SIRPG: variants seen among roughly 807,000 people sequenced by gnomAD.
The protein encoded by SIRPG is signal-regulatory protein gamma.
A neutral mutation model predicts 35.7 loss-of-function variants in SIRPG; 38 were observed. The observed-to-expected ratio is 1.06, with a 90% CI of 0.82 to 1.40. The LOEUF (loss-of-function observed/expected upper bound fraction) is 1.40, where lower values mean the gene tolerates loss of function less well. Among genes scored for constraint, SIRPG ranks in the 40% most tolerant of loss-of-function variants. The pLI, the probability that SIRPG is intolerant of heterozygous loss-of-function variation, is 0.00. For synonymous variants in SIRPG, 215 were observed against 190.4 expected (o/e 1.13, Z -1.06); for missense variants, 519 against 483.0 (o/e 1.07, Z -0.70).
the SIRPG span, among the ~76,000 whole-genome samples, chr20:1,674,387 T>G: frequency 1.3e-5 from 2 of 152,146 alleles, no homozygotes; most frequent in African/African-American, 4.8e-5. Flanking sequence ...TTTACTGCAC[T>G]CCAGGTGCTG....
At chr20:1,668,222 T>C in the SIRPG span, among the ~76,000 whole-genome samples, 5 of 125,080 alleles carry the variant, frequency 4.0e-5, no homozygotes, top group African/African-American at 1.7e-4. Flanking sequence ...TTTCTTTCTT[T>C]CTTTCTTTCT....
At chr20:1,663,068 C>T in the SIRPG span, among the ~76,000 whole-genome samples, 4 of 151,856 alleles carry the variant, frequency 2.6e-5, no homozygotes, top group Non-Finnish European at 5.9e-5. Context: ...AATCCCAGCA[C>T]GTTGGGAGGC....
intron 1 of SIRPG, among the ~76,000 whole-genome samples, chr20:1,654,973 G>T (rs77088763): frequency 6.6e-6 from 1 of 152,062 alleles, no homozygotes; most frequent in East Asian, 1.9e-4. Context: ...AATTAAAACC[G>T]CAGTGGGCTA....
the SIRPG span, among the ~76,000 whole-genome samples, chr20:1,662,873 G>A: frequency 6.6e-6 from 1 of 152,112 alleles, no homozygotes; most frequent in Non-Finnish European, 1.5e-5. Flanking sequence ...AGAGGAAAAT[G>A]ACTATTTTTC....
intron 2 of SIRPG, among the ~76,000 whole-genome samples, chr20:1,641,708 A>G (rs1472597403): frequency 6.6e-6 from 1 of 152,060 alleles, no homozygotes; most frequent in East Asian, 1.9e-4. Flanking sequence ...AGATCTTTCT[A>G]GCTTTCTGAT....
At chr20:1,653,651 G>C (rs2091956634) in intron 1 of SIRPG, among the ~76,000 whole-genome samples, 1 of 152,182 alleles carries the variant, frequency 6.6e-6, no homozygotes, top group African/African-American at 2.4e-5. Flanking sequence ...TTTACCAAGA[G>C]AGAAGTTTGC....
At chr20:1,652,508 T>A (rs1282034857) in intron 1 of SIRPG, among the ~76,000 whole-genome samples, 3 of 152,196 alleles carry the variant, frequency 2.0e-5, no homozygotes, top group Non-Finnish European at 4.4e-5. Context: ...CATGAACAAG[T>A]GGTATTTATT....
chr20:1,638,578 G>A (rs1258867979), intron 2 of SIRPG: 1 of 152,010 alleles, frequency 6.6e-6, no homozygotes, highest in African/African-American at 2.4e-5. Flanking sequence ...GGAAGGAGGA[G>A]GGAACAGAGT....
At chr20:1,681,965 T>C in the SIRPG span, among the ~76,000 whole-genome samples, 14 of 152,206 alleles carry the variant, frequency 9.2e-5, no homozygotes, top group African/African-American at 3.1e-4. Context: ...AATATAACTA[T>C]AGATATAGTT....
rs142236481 is a variant in SIRPG, at chr20:1,642,876, T to A, written c.430+6176A>T. ...ATTCTGGGTTGAAAATTCTTTTGTT[T>A]AAGAATGTTGAATATTGGCCCCCAC... On this transcript the variant is annotated intron_variant, in intron 2 of 5. Coordinates refer to ENST00000303415, the MANE Select transcript of SIRPG (RefSeq NM_018556.4). 8.4e-3 allele frequency among the ~76,000 whole-genome samples: 1,285 copies of A among 152,322 alleles called. 6 individuals carry two copies. Among genetic ancestry groups the A allele is most frequent in the Middle Eastern group, 0.014 (4 of 294 alleles).
At chr20:1,659,401 A>G (rs1486960020), upstream of SIRPG, among the ~76,000 whole-genome samples, 1 of 152,368 alleles carries the variant, frequency 6.6e-6, no homozygotes, top group East Asian at 1.9e-4. Flanking sequence ...CTCCACACCC[A>G]CAGTAGTGAA....
intron 1 of SIRPG, among the ~76,000 whole-genome samples, chr20:1,656,866 C>T (rs930441456): frequency 2.6e-5 from 4 of 152,038 alleles, no homozygotes; most frequent in Non-Finnish European, 4.4e-5. Flanking sequence ...CCATTTATGC[C>T]CGAGGTTGCA....
At chr20:1,631,647 A>G (rs1171253534) in intron 4 of SIRPG, among the ~76,000 whole-genome samples, 1 of 152,160 alleles carries the variant, frequency 6.6e-6, no homozygotes, top group Non-Finnish European at 1.5e-5. Flanking sequence ...ACTCTAAAAT[A>G]TAAATTTGAA....
chr20:1,685,516 G>A, the SIRPG span, among the ~76,000 whole-genome samples: 10 of 152,246 alleles, frequency 6.6e-5, no homozygotes, highest in Admixed American at 5.9e-4. Context: ...CCTCAGTACA[G>A]ACTAACCCTG....
chr20:1,660,926 G>A (rs986912920), upstream of SIRPG, among the ~76,000 whole-genome samples: 1 of 152,132 alleles, frequency 6.6e-6, no homozygotes, highest in Admixed American at 6.5e-5. Flanking sequence ...TGATCCTGGG[G>A]TCACTATTAA....
At chr20:1,678,061 T>A in the SIRPG span, among the ~76,000 whole-genome samples, 89,504 of 151,394 alleles carry the variant, frequency 0.59, 26,819 homozygotes, top group African/African-American at 0.68. Flanking sequence ...ACAATTTTTT[T>A]AAAAAACAGC....
intron 3 of SIRPG, 141 bp from the exon 4 acceptor site, chr20:1,635,740 G>T: frequency 1.1e-6 from 1 of 882,598 alleles, no homozygotes. Context: ...GACATTGAGG[G>T]CGCTCTTTGC....
the SIRPG span, among the ~76,000 whole-genome samples, chr20:1,671,470 G>A: frequency 6.6e-6 from 1 of 152,268 alleles, no homozygotes; most frequent in East Asian, 1.9e-4. Context: ...CTCTGTGTAT[G>A]GACTGGTCCT....
At chr20:1,652,402 G>A (rs1231410039) in intron 1 of SIRPG, among the ~76,000 whole-genome samples, 1 of 152,196 alleles carries the variant, frequency 6.6e-6, no homozygotes, top group Non-Finnish European at 1.5e-5. Context: ...CCTTTCTGTT[G>A]ACAGTGGCCT....
Sources: gnomAD v4.1 joint callset for allele counts (sites outside exome capture counted in the v4.1 genomes callset) on GRCh38, gnomAD v4.1.1 for gene constraint, MANE v1.5 for transcripts, NCBI Gene and HGNC (gene_info 2026-07-23, HGNC 2026-07-21) for gene names.